The following DHX57 variants were observed in gnomAD, a reference collection of about 807,000 sequenced individuals.
DHX57 encodes the protein DExH-box helicase 57.
A neutral mutation model predicts 156.2 loss-of-function variants in DHX57; 105 were observed. The observed-to-expected ratio is 0.67, with a 90% CI of 0.57 to 0.79. The LOEUF is 0.79. Ranked by LOEUF, DHX57 falls within the 30% of genes least tolerant of loss-of-function variation. The pLI, the probability that DHX57 is intolerant of heterozygous loss-of-function variation, is 0.00. For synonymous variants in DHX57, 704 were observed against 595.6 expected (o/e 1.18, Z -2.65); for missense variants, 1,847 against 1,661.9 (o/e 1.11, Z -1.94).
At chr2:38,842,324 T>C (rs998556589) in intron 12 of DHX57, among the ~76,000 whole-genome samples, 3 of 152,180 alleles carry the variant, frequency 2.0e-5, no homozygotes, top group Non-Finnish European at 4.4e-5. Context: ...CATGACTGAA[T>C]GTAATATATG....
At position 38,818,869 on chromosome 2, in the gene DHX57, C is replaced by T. The variant is rs768743025; in HGVS notation, c.3471+8G>A. On this transcript the variant is annotated splice_region_variant and intron_variant, in intron 19 of 23. Transcript: ENST00000457308. ...AAAAATGAAGAAAAAGCCACAGACA[C>T]AACTCACCTGCAGAACTCTTCCAGA... The T allele has an allele frequency of 1.2e-6, 2 of 1,614,148 alleles. No homozygotes were observed. The highest frequency in any genetic ancestry group is 8.5e-7 in the Non-Finnish European group (1 of 1,180,010).
intron 19 of DHX57, among the ~76,000 whole-genome samples, chr2:38,818,111 G>C (rs2148551530): frequency 6.6e-6 from 1 of 152,266 alleles, no homozygotes; most frequent in South Asian, 2.1e-4. Flanking sequence ...GGGGATTAGA[G>C]ATGGCCATGG....
chr2:38,806,165 C>T (rs1423448442), intron 22 of DHX57, among the ~76,000 whole-genome samples: 2 of 152,154 alleles, frequency 1.3e-5, no homozygotes, highest in African/African-American at 2.4e-5. Context: ...TTTGTTACTT[C>T]TGATGGGTTT....
intron 1 of DHX57, among the ~76,000 whole-genome samples, chr2:38,871,707 A>T (rs1665360845): frequency 1.4e-5 from 2 of 139,362 alleles, no homozygotes; most frequent in Non-Finnish European, 3.1e-5. Flanking sequence ...ATAATAACTC[A>T]TTCTTTTTTT....
intron 13 of DHX57, among the ~76,000 whole-genome samples, chr2:38,833,305 G>A (rs996404614): frequency 6.6e-6 from 1 of 151,940 alleles, no homozygotes; most frequent in South Asian, 2.1e-4. Context: ...ACCATGCCCA[G>A]CTAATTTTTG....
intron 22 of DHX57, 21 bp downstream of exon 22, chr2:38,806,527 TGTAAACATTAA>T: frequency 8.7e-6 from 14 of 1,607,520 alleles, no homozygotes; most frequent in Non-Finnish European, 1.2e-5. Flanking sequence ...CAGGACGACC[TGTAAACATTAA>T]GTATACTCCA....
chr2:38,854,103 C>T lies in DHX57; in HGVS notation c.1981G>A (p.Gly661Arg). 1 of 1,613,938 alleles carries T rather than the reference C, an allele frequency of 6.2e-7. No individual in the cohort carries two copies. The highest frequency in any genetic ancestry group is 2.2e-5 in the East Asian group (1 of 44,862). ...TCATCAACAATGATATGGGAAACTC[C>T]TTGTAGAGCTGTATCTCCTTCTAGC... is the stretch of plus-strand genomic sequence containing the variant. ...RRLEGDTALQ[G>R]VSHIIVDEVH... Residue 661 changes from glycine (G) to arginine (R), a missense_variant, in exon 9 of 24, where the codon GGA (glycine) becomes AGA (arginine). Transcript: ENST00000457308.
At position 38,833,371 on chromosome 2, in the gene DHX57, G is replaced by A. The variant is rs561277694; in HGVS notation, c.2542+4460C>T. ...TTGGCCAGGCTGGTCTCGAACTCCT[G>A]ACCTCAGGTGATCCGCCTGCCTCGG... On this transcript the variant is annotated intron_variant, in intron 13 of 23. Coordinates refer to ENST00000457308, the MANE Select transcript of DHX57 (RefSeq NM_198963.3). Among the ~76,000 whole-genome samples, 7 of 152,160 alleles carry A rather than the reference G, an allele frequency of 4.6e-5. No individual in the cohort carries two copies. The East Asian group carries it at 1.4e-3, about 29-fold the overall frequency.
At chr2:38,803,039 A>G (rs1227895825) in intron 22 of DHX57, 124 bp from the exon 23 acceptor site, 4 of 1,000,458 alleles carry the variant, frequency 4.0e-6, no homozygotes, top group Non-Finnish European at 5.9e-6. Flanking sequence ...ATAGCCCGTG[A>G]CTTTCCTGAG....
chr2:38,858,716 G>A lies in DHX57; in HGVS notation c.1532C>T (p.Ala511Val). 1 of 1,613,938 alleles carries A rather than the reference G, an allele frequency of 6.2e-7. No homozygotes were observed. Among genetic ancestry groups the A allele is most frequent in the Non-Finnish European group, 8.5e-7 (1 of 1,179,980 alleles). ...KKISKRYDWQ[A>V]KSVHAENGKI... is the part of the protein sequence containing the mutation. The stretch of plus-strand genomic sequence containing the variant: ...ACCATTTTCAGCATGTACTGACTTT[G>A]CCTGCCAGTCATATCTTTTGGAAAT... The change falls in exon 6 of 24, where the codon GCA (alanine) becomes GTA (valine). Residue 511 changes from alanine (A) to valine (V), a missense_variant. By Grantham distance (64) the Ala-to-Val change is moderately conservative. Coordinates refer to ENST00000457308, the MANE Select transcript of DHX57 (RefSeq NM_198963.3).
At chr2:38,825,001 G>A (rs192333723) in intron 16 of DHX57, among the ~76,000 whole-genome samples, 123 of 152,240 alleles carry the variant, frequency 8.1e-4, no homozygotes, top group Non-Finnish European at 1.4e-3. Context: ...CCTGCCTTGT[G>A]ATAGCTCTTC....
chr2:38,806,441 C>T, intron 22 of DHX57, 118 bp downstream of exon 22: 1 of 1,075,302 alleles, frequency 9.3e-7, no homozygotes. Flanking sequence ...AATCTTCCCT[C>T]AGTCAGTGGT....
intron 22 of DHX57, among the ~76,000 whole-genome samples, chr2:38,804,195 A>G (rs115691328): frequency 0.02 from 3,052 of 152,236 alleles, 89 homozygotes; most frequent in African/African-American, 0.065. Context: ...GTGATCTTTT[A>G]AAAACATAAG....
At chr2:38,858,542 A>T in intron 6 of DHX57, 119 bp downstream of exon 6, 1 of 1,352,586 alleles carries the variant, frequency 7.4e-7, no homozygotes, top group Non-Finnish European at 1.0e-6. Context: ...AACTTTGACC[A>T]CTCAGGGAGA....
chr2:38,838,397 T>C (rs555380833), intron 12 of DHX57, among the ~76,000 whole-genome samples: 1 of 152,234 alleles, frequency 6.6e-6, no homozygotes, highest in East Asian at 1.9e-4. Context: ...ACCAGCCCAC[T>C]TTTTTCTTTT....
chr2:38,863,308 A>G, intron 3 of DHX57, 53 bp downstream of exon 3: 1 of 1,556,958 alleles, frequency 6.4e-7, no homozygotes, highest in South Asian at 1.2e-5. Flanking sequence ...GGACCTTCAC[A>G]CTGCCAGTAT....
Position 38,861,198 on chromosome 2 carries a change from C to T in DHX57, c.1212G>A (p.Ser404=), listed in dbSNP as rs375508613. ...YDKALTFAET[S]EPVVYSLITL... is the part of the protein sequence containing the mutation. ...TTATCAAAGAATATACGACAGGTTCCGAAGTTTCCGCAAATGTCAAGGCCT... is the reference window on the plus strand; with the variant it reads ...TTATCAAAGAATATACGACAGGTTCTGAAGTTTCCGCAAATGTCAAGGCCT... Residue 404 remains serine, a synonymous_variant, in exon 5 of 24, where the codon TCG becomes TCA. Transcript: ENST00000457308. 1.1e-5 allele frequency: 18 copies of T among 1,614,092 alleles called. No homozygotes were observed. The highest frequency in any genetic ancestry group is 1.6e-4 in the Middle Eastern group (1 of 6,062).
intron 23 of DHX57, among the ~76,000 whole-genome samples, chr2:38,799,437 C>CAA (rs772099726): frequency 0.026 from 2,516 of 95,008 alleles, 93 homozygotes; most frequent in African/African-American, 0.043. Flanking sequence ...CTTGTTGTCT[C>CAA]AAAAAAAAAA....
chr2:38,801,012 T>C (rs1669654814), intron 23 of DHX57, among the ~76,000 whole-genome samples: 1 of 152,212 alleles, frequency 6.6e-6, no homozygotes. Flanking sequence ...ATGTATTAGG[T>C]TAAATAAAAT....
Sources: allele counts gnomAD v4.1 joint callset (sites outside exome capture counted in the v4.1 genomes callset), GRCh38; gene constraint gnomAD v4.1.1; transcripts MANE v1.5; gene names NCBI Gene and HGNC (gene_info 2026-07-23, HGNC 2026-07-21).